Variants in RIPOR2 observed in about 807,000 individuals in gnomAD.
RIPOR2 encodes the protein rho family-interacting cell polarization regulator 2.
Under a neutral mutation model 114.5 loss-of-function variants are expected in RIPOR2, and 39 were observed. The observed-to-expected ratio is 0.34, with a 90% CI of 0.26 to 0.44. RIPOR2 has a LOEUF of 0.44. Ranked by LOEUF, RIPOR2 falls within the 20% of genes least tolerant of loss-of-function variation. RIPOR2 has a pLI of 1.00. For synonymous variants in RIPOR2, 445 were observed against 484.4 expected, an observed-to-expected ratio of 0.92 and a Z score of 1.07; for missense variants, 1,007 against 1,255.1, an observed-to-expected ratio of 0.80 and a Z score of 2.99.
intron 1 of RIPOR2, among the ~76,000 whole-genome samples, chr6:24,916,743 T>C (rs1770107655): frequency 2.0e-5 from 3 of 152,228 alleles, no homozygotes; most frequent in Admixed American, 6.5e-5. Context: ...CATCTTAGGC[T>C]ATTTCCTTGC....
At chr6:24,850,567 G>A in intron 10 of RIPOR2, 30 bp downstream of exon 10, 1 of 1,613,322 alleles carries the variant, frequency 6.2e-7, no homozygotes, top group Non-Finnish European at 8.5e-7. Context: ...GTGGCACCAG[G>A]AAAGACAACA....
chr6:24,916,112 GCT>G (rs1201075296), intron 1 of RIPOR2, among the ~76,000 whole-genome samples: 1 of 152,178 alleles, frequency 6.6e-6, no homozygotes, highest in Non-Finnish European at 1.5e-5. Flanking sequence ...GCTTCTTTTG[GCT>G]CTAACATTTG....
At chr6:24,877,343 A>G (rs1765898787) in intron 1 of RIPOR2, 2 of 985,256 alleles carry the variant, frequency 2.0e-6, no homozygotes, top group African/African-American at 1.7e-5. Flanking sequence ...TGGAGTTTGT[A>G]TGCATTCTTG....
chr6:25,010,744 C>G (rs1010630138), intron 1 of RIPOR2, among the ~76,000 whole-genome samples: 1 of 152,110 alleles, frequency 6.6e-6, no homozygotes, highest in Non-Finnish European at 1.5e-5. Context: ...ACTCCGTAAA[C>G]GTTTCTTAAG....
chr6:24,957,640 G>A (rs778066492), intron 1 of RIPOR2, among the ~76,000 whole-genome samples: 9 of 152,206 alleles, frequency 5.9e-5, no homozygotes, highest in African/African-American at 1.7e-4. Context: ...ATGGGAGGCC[G>A]AGGCAGGTGG....
chr6:24,875,855 AG>A lies in RIPOR2; in HGVS notation c.62-39del, dbSNP rs1244417343. 4 of 1,561,400 alleles carry A rather than the reference AG, an allele frequency of 2.6e-6. No homozygotes were observed. The African/African-American group carries it at 5.4e-5, about 21-fold the overall frequency. On this transcript the variant is annotated intron_variant, in intron 1 of 21. Coordinates refer to ENST00000643898, the MANE Select transcript of RIPOR2 (RefSeq NM_001286445.3). ...GGAAAGATCATGACAATTTATAGGC[AG>A]GTTCAGACAGAAGATGCACTAAGCT...
chr6:24,879,949 A>C (rs1354144359), intron 1 of RIPOR2, among the ~76,000 whole-genome samples: 3 of 152,248 alleles, frequency 2.0e-5, no homozygotes, highest in Non-Finnish European at 4.4e-5. Context: ...TGCCAGAGTA[A>C]TCTGCATTTT....
chr6:24,936,089 A>C (rs1771788776), upstream of RIPOR2: 3 of 555,190 alleles, frequency 5.4e-6, no homozygotes, highest in East Asian at 9.2e-5. Context: ...AGTGAATCCC[A>C]GGTGGGGTAA....
intron 1 of RIPOR2, among the ~76,000 whole-genome samples, chr6:24,973,048 A>C (rs1434002752): frequency 4.1e-5 from 6 of 144,984 alleles, no homozygotes; most frequent in Admixed American, 2.9e-4. Context: ...AAAATAAAGT[A>C]ATGAAAGGAG....
chr6:24,821,716 G>A (rs1759714414), intron 19 of RIPOR2, among the ~76,000 whole-genome samples: 1 of 152,134 alleles, frequency 6.6e-6, no homozygotes, highest in African/African-American at 2.4e-5. Context: ...TCCACAAGTG[G>A]GCAGCTACAC....
chr6:25,006,967 G>T (rs149027797), intron 1 of RIPOR2, among the ~76,000 whole-genome samples: 6 of 152,218 alleles, frequency 3.9e-5, no homozygotes, highest in Non-Finnish European at 8.8e-5. Context: ...GGAATGGAAC[G>T]CTGTGGGAAT....
chr6:24,837,974 C>T (rs1159444846), intron 14 of RIPOR2, among the ~76,000 whole-genome samples: 1 of 152,222 alleles, frequency 6.6e-6, no homozygotes, highest in Admixed American at 6.5e-5. Context: ...AATCCACCCC[C>T]ATTTTGGGAA....
At chr6:24,926,758 C>A (rs1770882574) in intron 1 of RIPOR2, among the ~76,000 whole-genome samples, 2 of 152,076 alleles carry the variant, frequency 1.3e-5, no homozygotes, top group Non-Finnish European at 2.9e-5. Flanking sequence ...ATGTAGTAAA[C>A]CCTTATGGTT....
chr6:24,938,081 G>A (rs368369467), upstream of RIPOR2, among the ~76,000 whole-genome samples: 9 of 152,126 alleles, frequency 5.9e-5, no homozygotes, highest in African/African-American at 1.7e-4. Context: ...CTAACCCCCA[G>A]TACCTCAGAA....
chr6:24,963,861 T>C (rs1362573268), intron 1 of RIPOR2, among the ~76,000 whole-genome samples: 3 of 152,014 alleles, frequency 2.0e-5, no homozygotes. Flanking sequence ...TTTTCTAACT[T>C]TTCTTTTGAA....
chr6:24,997,078 A>G (rs760183642), intron 1 of RIPOR2, among the ~76,000 whole-genome samples: 29 of 152,352 alleles, frequency 1.9e-4, no homozygotes, highest in Non-Finnish European at 3.2e-4. Flanking sequence ...ATGGAGTCCA[A>G]TGATTTTCAA....
chr6:24,843,179 T>G lies in RIPOR2; in HGVS notation c.1540A>C (p.Asn514His), dbSNP rs748776102. ...GAGAEHLFLE[N>H]DVAEALLQES... is the part of the protein sequence containing the mutation. ...TGCAGAAGTGCTTCTGCAACATCAT[T>G]CTCAAGGAACAGGTGCTCAGCCCCA... The change falls in exon 13 of 22, where the codon AAT becomes CAT. Residue 514 changes from asparagine to histidine, a missense_variant. Physicochemically the swap from Asn to His is moderately conservative, Grantham distance 68. Transcript: ENST00000643898. 2 of 1,613,784 alleles carry G rather than the reference T, an allele frequency of 1.2e-6. No individual in the cohort carries two copies. The highest frequency in any genetic ancestry group is 2.7e-5 in the African/African-American group (2 of 74,884).
intron 1 of RIPOR2, among the ~76,000 whole-genome samples, chr6:25,034,845 C>T (rs143415637): frequency 9.2e-5 from 14 of 152,318 alleles, no homozygotes; most frequent in East Asian, 5.8e-4. Context: ...TCTCAACCAA[C>T]GGACCTCCCT....
At chr6:24,868,975 G>T in intron 6 of RIPOR2, 119 bp downstream of exon 6, 1 of 572,384 alleles carries the variant, frequency 1.7e-6, no homozygotes. Context: ...TTGCTAGTCA[G>T]CTTAGGAGTC....
Sources: allele counts gnomAD v4.1 joint callset (sites outside exome capture counted in the v4.1 genomes callset), GRCh38; gene constraint gnomAD v4.1.1; transcripts MANE v1.5; gene names NCBI Gene and HGNC (gene_info 2026-07-23, HGNC 2026-07-21).